Variants in MSH3 observed in about 807,000 individuals in gnomAD.
MSH3 encodes the protein mutS homolog 3, also known as DNA mismatch repair protein Msh3.
In MSH3, 106 loss-of-function variants were observed where a neutral mutation model predicts 123.3. The ratio of observed to expected loss-of-function variants is 0.86; its 90% confidence interval spans 0.73 to 1.01. The LOEUF is 1.01. Among genes scored for constraint, MSH3 ranks in the 50% least tolerant of loss-of-function variants. The pLI, the probability that MSH3 is intolerant of heterozygous loss-of-function variation, is 0.00. For missense variants in MSH3, 1,459 were observed against 1,347.6 expected, an observed-to-expected ratio of 1.08 and a Z score of -1.29; for synonymous variants, 515 against 481.4, an observed-to-expected ratio of 1.07 and a Z score of -0.91.
chr5:80,818,048 G>A (rs558614396), intron 20 of MSH3, among the ~76,000 whole-genome samples: 44 of 152,110 alleles, frequency 2.9e-4, no homozygotes, highest in Admixed American at 1.8e-3. Context: ...GGTGAAACCC[G>A]TCTCTACTAA....
chr5:80,758,553 T>C (rs531042360), intron 12 of MSH3, among the ~76,000 whole-genome samples: 74 of 152,300 alleles, frequency 4.9e-4, no homozygotes, highest in Non-Finnish European at 8.8e-4. Context: ...GTTGGTAACC[T>C]CTGAGGTAGT....
At chr5:80,744,434 G>A (rs1193087411) in intron 11 of MSH3, 72 bp from the exon 12 acceptor site, 37 of 1,045,498 alleles carry the variant, frequency 3.5e-5, no homozygotes, top group South Asian at 2.4e-4. Context: ...ATTTAGAATC[G>A]GGGTATATGA....
intron 19 of MSH3, among the ~76,000 whole-genome samples, chr5:80,797,823 C>T (rs1744724109): frequency 1.3e-5 from 2 of 152,174 alleles, no homozygotes; most frequent in African/African-American, 4.8e-5. Context: ...CACCCACCAC[C>T]TGTGGGTTAA....
At chr5:80,707,262 AT>A (rs1750746729) in intron 8 of MSH3, among the ~76,000 whole-genome samples, 1 of 152,222 alleles carries the variant, frequency 6.6e-6, no homozygotes, top group Admixed American at 6.5e-5. Context: ...ATATACCAAC[AT>A]TTGTTTATTT....
chr5:80,856,191 C>T (rs2112109023), intron 21 of MSH3, among the ~76,000 whole-genome samples: 1 of 152,160 alleles, frequency 6.6e-6, no homozygotes, highest in East Asian at 1.9e-4. Flanking sequence ...AGCCTCCCTT[C>T]TTTTCTTTGT....
intron 21 of MSH3, among the ~76,000 whole-genome samples, chr5:80,861,247 T>G (rs564220422): frequency 6.6e-6 from 1 of 152,306 alleles, no homozygotes; most frequent in Admixed American, 6.5e-5. Context: ...CTGGCTATGA[T>G]GTATTGGGTA....
intron 20 of MSH3, among the ~76,000 whole-genome samples, chr5:80,851,042 G>T (rs1210310726): frequency 6.6e-6 from 1 of 152,034 alleles, no homozygotes; most frequent in Non-Finnish European, 1.5e-5. Context: ...ATTTTCCGAT[G>T]CCAAAAATTC....
intron 19 of MSH3, among the ~76,000 whole-genome samples, chr5:80,800,772 C>T (rs1278455419): frequency 1.3e-5 from 2 of 152,032 alleles, no homozygotes; most frequent in Admixed American, 6.5e-5. Flanking sequence ...TTCTAGGCAA[C>T]GGGGATGAAC....
At chr5:80,685,337 A>G (rs1289565095) in intron 8 of MSH3, among the ~76,000 whole-genome samples, 1 of 150,332 alleles carries the variant, frequency 6.7e-6, no homozygotes, top group Non-Finnish European at 1.5e-5. Context: ...TATGGCTTCA[A>G]TCTCGTTACT....
intron 22 of MSH3, among the ~76,000 whole-genome samples, chr5:80,871,946 C>A (rs1369686542): frequency 6.6e-6 from 1 of 152,096 alleles, no homozygotes; most frequent in Non-Finnish European, 1.5e-5. Context: ...GAAGCCCCTC[C>A]CTTCAGCTGC....
intron 20 of MSH3, among the ~76,000 whole-genome samples, chr5:80,818,380 T>C (rs78745510): frequency 4.5e-5 from 2 of 44,718 alleles, no homozygotes; most frequent in African/African-American, 7.2e-5. Context: ...TTTTTTTTTT[T>C]TTAACAAATA....
At chr5:80,768,158 C>G (rs753595591) in intron 14 of MSH3, 38 bp downstream of exon 14, 1 of 1,531,372 alleles carries the variant, frequency 6.5e-7, no homozygotes, top group South Asian at 1.1e-5. Flanking sequence ...TTTCACCAGT[C>G]AGTATAATTC....
At chr5:80,791,170 A>T (rs929778580) in intron 18 of MSH3, among the ~76,000 whole-genome samples, 1 of 148,378 alleles carries the variant, frequency 6.7e-6, no homozygotes, top group Non-Finnish European at 1.5e-5. Flanking sequence ...GTTACAATTT[A>T]TAGACAGACA....
intron 20 of MSH3, among the ~76,000 whole-genome samples, chr5:80,847,703 C>G (rs1156308667): frequency 1.3e-5 from 2 of 152,176 alleles, no homozygotes; most frequent in African/African-American, 4.8e-5. Flanking sequence ...CTCAGCATTT[C>G]ATGAAACCTT....
intron 8 of MSH3, among the ~76,000 whole-genome samples, chr5:80,692,112 A>G (rs1308447394): frequency 1.4e-5 from 2 of 147,488 alleles, no homozygotes; most frequent in African/African-American, 4.9e-5. Flanking sequence ...ATAAACATGT[A>G]TATGTTTAGA....
At chr5:80,804,505 A>G (rs539310640) in intron 19 of MSH3, among the ~76,000 whole-genome samples, 91 of 152,388 alleles carry the variant, frequency 6.0e-4, no homozygotes, top group African/African-American at 2.1e-3. Context: ...CCCCAAGTCC[A>G]GTAATACTGT....
At chr5:80,782,991 A>G (rs1284594067) in intron 17 of MSH3, among the ~76,000 whole-genome samples, 1 of 152,200 alleles carries the variant, frequency 6.6e-6, no homozygotes, top group Non-Finnish European at 1.5e-5. Context: ...TTTTTGTTCT[A>G]GAAGATGGAC....
At chr5:80,739,947 A>G (rs939100545) in intron 10 of MSH3, among the ~76,000 whole-genome samples, 3 of 152,188 alleles carry the variant, frequency 2.0e-5, no homozygotes, top group Non-Finnish European at 4.4e-5. Context: ...CCTAAATTTC[A>G]TTATAGCTAT....
chr5:80,743,297 T>C lies in MSH3; in HGVS notation c.1654-1209T>C, dbSNP rs1410676676. On this transcript the variant is annotated intron_variant, in intron 11 of 23. Coordinates refer to ENST00000265081, the MANE Select transcript of MSH3 (RefSeq NM_002439.5). ...GATCTGAACTGCCCTCCTTAGCCTG[T>C]CCAGCCATCCTCAGAGGAACCTTTG... Among the ~76,000 whole-genome samples the C allele has an allele frequency of 2.6e-5, 4 of 152,266 alleles. No individual in the cohort carries two copies. The East Asian group carries it at 7.8e-4, about 30-fold the overall frequency.
Sources: gnomAD v4.1 joint callset for allele counts (sites outside exome capture counted in the v4.1 genomes callset) on GRCh38, gnomAD v4.1.1 for gene constraint, MANE v1.5 for transcripts, NCBI Gene and HGNC (gene_info 2026-07-23, HGNC 2026-07-21) for gene names.